WDR25: variants seen among roughly 807,000 people sequenced by gnomAD.
WDR25 encodes WD repeat domain 25.
Under a neutral mutation model 47.7 loss-of-function variants are expected in WDR25, and 35 were observed. The observed-to-expected ratio is 0.73, with a 90% CI of 0.56 to 0.97. WDR25 has a LOEUF of 0.97. Among genes scored for constraint, WDR25 ranks in the 50% least tolerant of loss-of-function variants. WDR25 has a pLI of 0.00. For synonymous variants in WDR25, 248 were observed against 278.9 expected, an observed-to-expected ratio of 0.89 and a Z score of 1.10; for missense variants, 634 against 704.7, an observed-to-expected ratio of 0.90 and a Z score of 1.14.
chr14:100,378,479 T>G (rs188744780), intron 1 of WDR25, among the ~76,000 whole-genome samples: 4 of 152,330 alleles, frequency 2.6e-5, no homozygotes, highest in Admixed American at 1.3e-4. Context: ...GAAAGATTTT[T>G]TTTAACAAGT....
At chr14:100,395,965 G>A (rs1411101490) in intron 2 of WDR25, among the ~76,000 whole-genome samples, 2 of 148,962 alleles carry the variant, frequency 1.3e-5, no homozygotes, top group Non-Finnish European at 3.0e-5. Context: ...TTCCACATCT[G>A]TGAAATGTTT....
intron 2 of WDR25, among the ~76,000 whole-genome samples, chr14:100,398,400 G>A (rs1317866041): frequency 6.6e-6 from 1 of 152,076 alleles, no homozygotes; most frequent in Admixed American, 6.5e-5. Context: ...CCCTATCGGA[G>A]CATTGGTTTT....
intron 2 of WDR25, among the ~76,000 whole-genome samples, chr14:100,429,404 A>G (rs1232573297): frequency 1.3e-5 from 2 of 152,290 alleles, no homozygotes; most frequent in East Asian, 3.9e-4. Flanking sequence ...TCCTTGGGCC[A>G]AGGGGCTAAG....
chr14:100,491,808 G>T (rs1046107137), intron 4 of WDR25, among the ~76,000 whole-genome samples: 1 of 152,214 alleles, frequency 6.6e-6, no homozygotes, highest in Non-Finnish European at 1.5e-5. Context: ...CCATGGATGG[G>T]ACAGTGGTGG....
At chr14:100,517,109 T>G (rs891465385) in intron 4 of WDR25, among the ~76,000 whole-genome samples, 3 of 139,566 alleles carry the variant, frequency 2.1e-5, no homozygotes, top group Non-Finnish European at 4.7e-5. Context: ...CTCCTCTGTT[T>G]TTTTTTTTTT....
intron 3 of WDR25, among the ~76,000 whole-genome samples, chr14:100,476,007 A>C (rs1168905238): frequency 6.6e-6 from 1 of 152,224 alleles, no homozygotes; most frequent in Non-Finnish European, 1.5e-5. Context: ...AAATGACTGC[A>C]ACTACTACTA....
At chr14:100,415,230 TTC>T (rs1441071990) in intron 2 of WDR25, among the ~76,000 whole-genome samples, 1 of 152,198 alleles carries the variant, frequency 6.6e-6, no homozygotes, top group Non-Finnish European at 1.5e-5. Context: ...TTAACTTAAT[TTC>T]TCTGAGGCTC....
Position 100,438,848 on chromosome 14 carries a change from A to G in WDR25, c.823-29173A>G, listed in dbSNP as rs1359959092. Among the ~76,000 whole-genome samples, 5 of 152,376 alleles carry G rather than the reference A, an allele frequency of 3.3e-5. No homozygotes were observed. The East Asian group carries it at 9.6e-4, about 29-fold the overall frequency. On this transcript the variant is annotated intron_variant, in intron 2 of 6. Transcript: ENST00000402312. ...AGGAAAGTAAGGCTCAGAGAGGTACAGTGATATGCTCAGGGTCACACAGCT... is the reference window on the plus strand; with the variant it reads ...AGGAAAGTAAGGCTCAGAGAGGTACGGTGATATGCTCAGGGTCACACAGCT...
At chr14:100,451,272 C>T (rs1253971924) in intron 2 of WDR25, among the ~76,000 whole-genome samples, 1 of 148,114 alleles carries the variant, frequency 6.8e-6, no homozygotes, top group Non-Finnish European at 1.5e-5. Context: ...GACGAGGTCT[C>T]ACTTTGTCAC....
intron 2 of WDR25, chr14:100,406,887 G>C (rs1425956541): frequency 6.6e-6 from 1 of 152,400 alleles, no homozygotes; most frequent in Non-Finnish European, 1.5e-5. Flanking sequence ...GTGGTTTAAA[G>C]ACTTGGCAGT....
chr14:100,492,684 TA>T lies in WDR25; in HGVS notation c.1101+8561del, dbSNP rs201994027. Among the ~76,000 whole-genome samples the T allele has an allele frequency of 9.7e-3, 1,477 of 152,294 alleles. 24 individuals carry two copies. Among genetic ancestry groups the T allele is most frequent in the African/African-American group, 0.034 (1,401 of 41,548 alleles). ...TTCTTAAGGTTTTTAAAAATTTATT[TA>T]TTTTTTTTTACTATTGATTTACAAT... On this transcript the variant is annotated intron_variant, in intron 4 of 6. Coordinates refer to ENST00000402312, the MANE Select transcript of WDR25 (RefSeq NM_001161476.3).
chr14:100,390,425 G>GTGTGTGTGTGTGTGCA (rs1897117995), intron 2 of WDR25, among the ~76,000 whole-genome samples: 1 of 146,212 alleles, frequency 6.8e-6, no homozygotes, highest in Admixed American at 6.8e-5. Context: ...GTGTGTGTGT[G>GTGTGTGTGTGTGTGCA]TGCATGCACA....
At chr14:100,483,946 T>G in intron 3 of WDR25, 48 bp from the exon 4 acceptor site, 1 of 1,565,992 alleles carries the variant, frequency 6.4e-7, no homozygotes, top group Non-Finnish European at 8.6e-7. Flanking sequence ...GATATTTGTT[T>G]TGTGACCTAA....
chr14:100,497,228 A>AATT (rs2140341405), intron 4 of WDR25, among the ~76,000 whole-genome samples: 1 of 152,274 alleles, frequency 6.6e-6, no homozygotes, highest in African/African-American at 2.4e-5. Context: ...TGTTGTATAA[A>AATT]TGGCAATTTG....
intron 2 of WDR25, among the ~76,000 whole-genome samples, chr14:100,412,172 A>G (rs1055086630): frequency 2.9e-5 from 4 of 138,778 alleles, no homozygotes; most frequent in East Asian, 2.1e-4. Context: ...TTGCCATCGC[A>G]CTCCAGCCTG....
At chr14:100,478,537 A>G (rs1216432941) in intron 3 of WDR25, among the ~76,000 whole-genome samples, 1 of 152,244 alleles carries the variant, frequency 6.6e-6, no homozygotes, top group East Asian at 1.9e-4. Flanking sequence ...GTATCCAGAA[A>G]CTTACTAAAA....
At position 100,500,673 on chromosome 14, in the gene WDR25, C is replaced by T. The variant is rs543677928; in HGVS notation, c.1101+16549C>T. ...CATCTCCATCTCTGTTCAGAGTAGG[C>T]CTGAGCCTCTGTCCATTGTCCTACG... On this transcript the variant is annotated intron_variant, in intron 4 of 6. Coordinates refer to ENST00000402312, the MANE Select transcript of WDR25 (RefSeq NM_001161476.3). This position sits in a 1 kb window ranked among gnomAD's most constrained non-coding sequence, Gnocchi z 4.7. 2.1e-4 allele frequency among the ~76,000 whole-genome samples: 32 copies of T among 152,314 alleles called. No individual in the cohort carries two copies. The highest frequency in any genetic ancestry group is 5.8e-4 in the African/African-American group (24 of 41,578).
chr14:100,526,776 A>C (rs113373670), intron 5 of WDR25, among the ~76,000 whole-genome samples: 23 of 106,380 alleles, frequency 2.2e-4, no homozygotes, highest in Non-Finnish European at 2.6e-4. Context: ...TACCACCACT[A>C]CTATCATCAC....
intron 2 of WDR25, among the ~76,000 whole-genome samples, chr14:100,401,218 T>C (rs759659939): frequency 2.0e-5 from 3 of 152,192 alleles, no homozygotes; most frequent in Non-Finnish European, 4.4e-5. Flanking sequence ...CCCCTCCCCG[T>C]GGCTGCAGCC....
Sources: allele counts gnomAD v4.1 joint callset (sites outside exome capture counted in the v4.1 genomes callset), GRCh38; gene constraint gnomAD v4.1.1; non-coding constraint Gnocchi (gnomAD v3.1); transcripts MANE v1.5; gene names NCBI Gene and HGNC (gene_info 2026-07-23, HGNC 2026-07-21).